Variants in GARNL3 observed in about 807,000 individuals in gnomAD.
GARNL3 encodes GTPase-activating Rap/Ran-GAP domain-like protein 3.
Under a neutral mutation model 125.0 loss-of-function variants are expected in GARNL3, and 63 were observed. The ratio of observed to expected loss-of-function variants is 0.50; its 90% CI spans 0.41 to 0.62. GARNL3 has a LOEUF of 0.62. GARNL3 is among the 20% of genes least tolerant of loss of function. The probability of loss-of-function intolerance (pLI) is 0.00; values close to 1 mark genes in which losing one functional copy is unlikely to be tolerated. For synonymous variants in GARNL3, 439 were observed against 457.5 expected (o/e 0.96, Z 0.52); for missense variants, 994 against 1,244.0 (o/e 0.80, Z 3.02).
At position 127,357,373 on chromosome 9, in the gene GARNL3, A is replaced by G. The variant is rs1321896369; in HGVS notation, c.2090A>G (p.Asn697Ser). ...EAFRLHHVEA[N>S]RVNFVAAIDV... ...TTCAGGCTGCACCACGTGGAGGCCAACAGGGTAAGCCAGCGGTTGTGGGGA... is the reference window on the plus strand; with the variant it reads ...TTCAGGCTGCACCACGTGGAGGCCAGCAGGGTAAGCCAGCGGTTGTGGGGA... The change falls in exon 21 of 28, where the codon AAC becomes AGC. Residue 697 changes from asparagine (N) to serine (S), a missense_variant. Asn to Ser is a conservative substitution (Grantham distance 46, BLOSUM62 1). This residue lies in a region of GARNL3 where 728 missense variants were observed against 865.7 expected (regional missense o/e 0.84). Transcript: ENST00000373387. 4 of 1,613,642 alleles carry G rather than the reference A, an allele frequency of 2.5e-6. No homozygotes were observed. The highest frequency in any genetic ancestry group is 3.4e-6 in the Non-Finnish European group (4 of 1,180,020).
chr9:127,263,602 T>C (rs1445684707), upstream of GARNL3: 3 of 773,762 alleles, frequency 3.9e-6, no homozygotes, highest in Non-Finnish European at 4.7e-6. Context: ...CAGATTGGAA[T>C]AGACCATGGA....
chr9:127,282,958 A>T (rs1224449275), intron 1 of GARNL3, among the ~76,000 whole-genome samples: 1 of 152,214 alleles, frequency 6.6e-6, no homozygotes, highest in Non-Finnish European at 1.5e-5. Context: ...CTTTCTATTT[A>T]AAAAAATTAA....
In GARNL3 at chr9:127,354,361, T is replaced by C. The variant is rs758522445; in HGVS notation, c.1710T>C (p.Ala570=). ...ALQKGLEGKQ[A]GKSRSDCREN... is the part of the protein sequence containing the mutation. ...AAAAGGGCCTTGAGGGGAAGCAGGCTGGGAAGAGCAGGTCTGACTGCAGAG... is the reference window on the plus strand; with the variant it reads ...AAAAGGGCCTTGAGGGGAAGCAGGCCGGGAAGAGCAGGTCTGACTGCAGAG... Residue 570 remains alanine (A), a synonymous_variant, in exon 19 of 28, where the codon GCT becomes GCC. Transcript: ENST00000373387. 1 of 1,613,802 alleles carries C rather than the reference T, an allele frequency of 6.2e-7. No individual in the cohort carries two copies. Among genetic ancestry groups the C allele is most frequent in the Admixed American group, 1.7e-5 (1 of 59,996 alleles).
chr9:127,281,195 G>A (rs999677930), intron 1 of GARNL3, among the ~76,000 whole-genome samples: 2 of 152,160 alleles, frequency 1.3e-5, no homozygotes, highest in African/African-American at 4.8e-5. Context: ...ATGAGGTAAG[G>A]TAGGTCCCAT....
intron 1 of GARNL3, among the ~76,000 whole-genome samples, chr9:127,288,114 G>A (rs1162151877): frequency 6.6e-6 from 1 of 152,204 alleles, no homozygotes; most frequent in African/African-American, 2.4e-5. Context: ...AGAGCGGAGA[G>A]AGCGCCTGAG....
rs79093022 is a variant in GARNL3, at chr9:127,252,560, T to G, written c.143+9311T>G. Among the ~76,000 whole-genome samples, 861 of 152,302 alleles carry G rather than the reference T, an allele frequency of 5.7e-3. 23 individuals are homozygous for G. The East Asian group carries it at 0.086, about 15-fold the overall frequency. The stretch of plus-strand genomic sequence containing the variant: ...CATTATATAGTTGTAGGAACTGAGG[T>G]CCATGAAGGCGATGTTTATTGCCTA... On this transcript the variant is annotated intron_variant, in intron 2 of 10. Transcript: ENST00000439286.
chr9:127,309,946 T>C (rs1265944476), intron 2 of GARNL3, among the ~76,000 whole-genome samples: 1 of 152,178 alleles, frequency 6.6e-6, no homozygotes, highest in Non-Finnish European at 1.5e-5. Flanking sequence ...AAAGCTGCAA[T>C]AGAGTGACAT....
At chr9:127,310,549 A>G (rs192835549) in intron 2 of GARNL3, among the ~76,000 whole-genome samples, 2 of 152,218 alleles carry the variant, frequency 1.3e-5, no homozygotes, top group Non-Finnish European at 2.9e-5. Context: ...TGGGAGACCA[A>G]TAATCACTTG....
At chr9:127,355,271 A>T in intron 19 of GARNL3, 26 bp from the exon 20 acceptor site, 1 of 1,608,000 alleles carries the variant, frequency 6.2e-7, no homozygotes, top group Non-Finnish European at 8.5e-7. Flanking sequence ...TGTCATGTGT[A>T]AGGCATCATT....
chr9:127,330,086 C>T (rs914590405), intron 7 of GARNL3, among the ~76,000 whole-genome samples: 2 of 152,184 alleles, frequency 1.3e-5, no homozygotes, highest in African/African-American at 4.8e-5. Context: ...AGGCCCTATC[C>T]CAAACCTGCT....
chr9:127,334,424 A>G (rs1340453657), intron 9 of GARNL3, among the ~76,000 whole-genome samples: 1 of 152,180 alleles, frequency 6.6e-6, no homozygotes, highest in African/African-American at 2.4e-5. Context: ...CCAGCCTGCC[A>G]TGGCATCACG....
chr9:127,372,293 A>G (rs969376951), intron 22 of GARNL3, among the ~76,000 whole-genome samples: 1 of 152,234 alleles, frequency 6.6e-6, no homozygotes, highest in African/African-American at 2.4e-5. Context: ...GCAATGTGCT[A>G]TAAGAGATGT....
At chr9:127,303,122 G>T (rs2064849746) in intron 2 of GARNL3, among the ~76,000 whole-genome samples, 3 of 152,118 alleles carry the variant, frequency 2.0e-5, no homozygotes, top group Non-Finnish European at 2.9e-5. Flanking sequence ...CTGTACTCCA[G>T]CCTGGGCGAC....
chr9:127,344,089 C>T (rs145559635), intron 14 of GARNL3, 146 bp from the exon 15 acceptor site: 118 of 614,044 alleles, frequency 1.9e-4, no homozygotes, highest in African/African-American at 1.7e-3. Context: ...TGGTACACAG[C>T]AGGTGCTCCA....
chr9:127,365,208 C>T, intron 21 of GARNL3, 92 bp from the exon 22 acceptor site: 2 of 1,032,300 alleles, frequency 1.9e-6, no homozygotes, highest in East Asian at 4.7e-5. Context: ...TGACAGAGGG[C>T]CTCGGCCTCC....
rs981906921 is a variant in GARNL3 at position 127,385,092 on chromosome 9, G to A, written c.2335G>A (p.Gly779Arg). Residue 779 changes from glycine (G) to arginine (R), a missense_variant, in exon 24 of 28, where the codon GGG becomes AGG. Gly to Arg is a moderately radical substitution (Grantham distance 125). Transcript: ENST00000373387. The surrounding 1 kb of genome is among the most constrained non-coding windows in gnomAD (Gnocchi z 4.1). ...CATGGAGATCCGCCTGGTGGTGAAC[G>A]GGAACCTGGTCCACACTGCAGTCGT... ...DSMEIRLVVN[G>R]NLVHTAVVPQ... 3.7e-6 allele frequency: 6 copies of A among 1,612,796 alleles called. No individual in the cohort carries two copies. Among genetic ancestry groups the A allele is most frequent in the South Asian group, 2.2e-5 (2 of 90,784 alleles).
chr9:127,245,375 C>G (rs2063283025), intron 2 of GARNL3: 1 of 152,542 alleles, frequency 6.6e-6, no homozygotes, highest in African/African-American at 2.4e-5. Flanking sequence ...GCCACGCGCA[C>G]GGGGGTGCAG....
intron 1 of GARNL3, among the ~76,000 whole-genome samples, chr9:127,270,888 G>GATTCTCCTGCCTCAGCC (rs1564866649): frequency 1.4e-5 from 2 of 140,988 alleles, no homozygotes; most frequent in Admixed American, 6.8e-5. Context: ...GTTGGCCACC[G>GATTCTCCTGCCTCAGCC]TGGTCTCTTC....
intron 21 of GARNL3, among the ~76,000 whole-genome samples, chr9:127,360,995 G>C (rs1201008404): frequency 1.3e-5 from 2 of 152,134 alleles, no homozygotes; most frequent in African/African-American, 4.8e-5. Context: ...TGCTCCTCTA[G>C]GGGGAACTGC....
Sources: allele counts gnomAD v4.1 joint callset (sites outside exome capture counted in the v4.1 genomes callset), GRCh38; gene constraint gnomAD v4.1.1; regional missense constraint gnomAD v4.1.1; non-coding constraint Gnocchi (gnomAD v3.1); transcripts MANE v1.5; gene names NCBI Gene and HGNC (gene_info 2026-07-23, HGNC 2026-07-21).